Variants in TIAM1 observed in about 807,000 individuals in gnomAD.
TIAM1 encodes the protein TIAM Rac1 associated GEF 1.
Under a neutral mutation model 163.5 loss-of-function variants are expected in TIAM1, and 65 were observed. The ratio of observed to expected loss-of-function variants is 0.40; its 90% CI spans 0.33 to 0.49. The LOEUF is 0.49. Ranked by LOEUF, TIAM1 falls within the 20% of genes least tolerant of loss-of-function variation. The pLI, the probability that TIAM1 is intolerant of heterozygous loss-of-function variation, is 0.77. For missense variants in TIAM1, 1,789 were observed against 2,044.7 expected, an observed-to-expected ratio of 0.87 and a Z score of 2.41; for synonymous variants, 833 against 810.1, an observed-to-expected ratio of 1.03 and a Z score of -0.48.
chr21:31,423,854 C>T (rs866292956), intron 2 of TIAM1, among the ~76,000 whole-genome samples: 495 of 24,798 alleles, frequency 0.02, 3 homozygotes, highest in Middle Eastern at 0.17. Context: ...TAATGATTAT[C>T]GGGGGGGGCG....
chr21:31,373,538 A>G (rs1486883513), intron 2 of TIAM1, among the ~76,000 whole-genome samples: 1 of 152,200 alleles, frequency 6.6e-6, no homozygotes, highest in Non-Finnish European at 1.5e-5. Context: ...AAGCCAAACC[A>G]TATCATGCTC....
At chr21:31,431,559 T>C (rs1249923393) in intron 2 of TIAM1, among the ~76,000 whole-genome samples, 2 of 152,216 alleles carry the variant, frequency 1.3e-5, no homozygotes, top group African/African-American at 4.8e-5. Context: ...GCAAGATTGG[T>C]CAGAAATCAT....
chr21:31,430,210 G>GAA (rs57117941), intron 2 of TIAM1, among the ~76,000 whole-genome samples: 97 of 89,394 alleles, frequency 1.1e-3, no homozygotes, highest in African/African-American at 4.1e-3. Flanking sequence ...CCATCTCAAA[G>GAA]AAAAAAAAAA....
At chr21:31,328,622 C>T (rs2075572876) in intron 2 of TIAM1, among the ~76,000 whole-genome samples, 1 of 151,852 alleles carries the variant, frequency 6.6e-6, no homozygotes, top group African/African-American at 2.4e-5. Context: ...ATACATGTGC[C>T]ATGGTGGTTT....
intron 14 of TIAM1, among the ~76,000 whole-genome samples, chr21:31,183,646 A>C (rs970816364): frequency 6.6e-6 from 1 of 152,064 alleles, no homozygotes; most frequent in Admixed American, 6.5e-5. Flanking sequence ...AGCTTCACAG[A>C]GTCACATGCC....
intron 2 of TIAM1, among the ~76,000 whole-genome samples, chr21:31,314,265 T>C (rs2075030789): frequency 1.3e-5 from 2 of 152,164 alleles, no homozygotes; most frequent in African/African-American, 4.8e-5. Flanking sequence ...TAAGTTTTAC[T>C]ATCACAGAAA....
chr21:31,292,576 G>T (rs1399664165), intron 2 of TIAM1, among the ~76,000 whole-genome samples: 2 of 151,562 alleles, frequency 1.3e-5, no homozygotes, highest in South Asian at 2.1e-4. Flanking sequence ...CACTATGTTG[G>T]CTAGGCTGGT....
chr21:31,126,494 G>A (rs965051651), intron 26 of TIAM1, among the ~76,000 whole-genome samples: 1 of 152,074 alleles, frequency 6.6e-6, no homozygotes, highest in African/African-American at 2.4e-5. Flanking sequence ...ATGAACCCAG[G>A]AGGCAGAGGT....
At chr21:31,190,676 T>C (rs1289035034) in intron 13 of TIAM1, among the ~76,000 whole-genome samples, 1 of 152,184 alleles carries the variant, frequency 6.6e-6, no homozygotes, top group Non-Finnish European at 1.5e-5. Flanking sequence ...GAGGGTCTCA[T>C]GCTTAGTCTA....
intron 2 of TIAM1, among the ~76,000 whole-genome samples, chr21:31,300,677 A>C (rs1475653371): frequency 6.6e-6 from 1 of 152,258 alleles, no homozygotes; most frequent in Non-Finnish European, 1.5e-5. Flanking sequence ...CTAAAGATTA[A>C]AGTCACAGAC....
intron 5 of TIAM1, among the ~76,000 whole-genome samples, chr21:31,247,942 G>C (rs1274772397): frequency 6.6e-6 from 1 of 152,170 alleles, no homozygotes; most frequent in Non-Finnish European, 1.5e-5. Flanking sequence ...CTCTAAGTCA[G>C]AGGTTCTTAT....
At chr21:31,317,067 T>A (rs1035701136) in intron 2 of TIAM1, among the ~76,000 whole-genome samples, 23 of 152,170 alleles carry the variant, frequency 1.5e-4, no homozygotes, top group African/African-American at 5.5e-4. Context: ...TTTGTCTCAG[T>A]TGGTCCAGAA....
At chr21:31,407,185 A>C (rs997946087) in intron 2 of TIAM1, among the ~76,000 whole-genome samples, 1 of 152,222 alleles carries the variant, frequency 6.6e-6, no homozygotes, top group Non-Finnish European at 1.5e-5. Flanking sequence ...CATGGTTTTC[A>C]AGTCAGTTTT....
chr21:31,265,987 GAA>G, intron 4 of TIAM1, 21 bp downstream of exon 4: 1 of 1,605,788 alleles, frequency 6.2e-7, no homozygotes, highest in South Asian at 1.1e-5. Context: ...CCAAAATATT[GAA>G]ACAAATTTCA....
intron 6 of TIAM1, among the ~76,000 whole-genome samples, chr21:31,226,323 T>C (rs1172341375): frequency 3.3e-5 from 5 of 152,124 alleles, no homozygotes; most frequent in African/African-American, 1.2e-4. Context: ...TTATAGGACA[T>C]GAGTGGGACT....
chr21:31,369,010 C>T (rs956176298), intron 2 of TIAM1, among the ~76,000 whole-genome samples: 11 of 151,744 alleles, frequency 7.2e-5, no homozygotes, highest in African/African-American at 1.9e-4. Flanking sequence ...GAGGCCGAGG[C>T]GGGCGGATCA....
At chr21:31,149,676 T>C (rs2083290531) in intron 19 of TIAM1, among the ~76,000 whole-genome samples, 1 of 152,230 alleles carries the variant, frequency 6.6e-6, no homozygotes, top group Non-Finnish European at 1.5e-5. Flanking sequence ...TATTTTAAAG[T>C]ATGTCTATAA....
rs558077320 is a variant in TIAM1 at position 31,520,354 on chromosome 21, T to C, written c.-422+38573A>G. Among the ~76,000 whole-genome samples, 11 of 151,104 alleles carry C rather than the reference T, an allele frequency of 7.3e-5. 1 individual carries two copies. Among genetic ancestry groups the C allele is most frequent in the Middle Eastern group, 3.4e-3 (1 of 292 alleles). On this transcript the variant is annotated intron_variant, in intron 1 of 28. Coordinates refer to the TIAM1 transcript ENST00000286827. The stretch of plus-strand genomic sequence containing the variant: ...CTCAAAAAAAAAAAAAAAGAAATGG[T>C]TACAATGACAAACGATGTTATACAT...
intron 2 of TIAM1, among the ~76,000 whole-genome samples, chr21:31,321,614 G>A (rs1469795934): frequency 6.6e-6 from 1 of 151,440 alleles, no homozygotes; most frequent in East Asian, 2.0e-4. Flanking sequence ...GCCTCCCAAA[G>A]TGTTGGGATT....
Sources: allele counts gnomAD v4.1 joint callset (sites outside exome capture counted in the v4.1 genomes callset), GRCh38; gene constraint gnomAD v4.1.1; transcripts MANE v1.5; gene names NCBI Gene and HGNC (gene_info 2026-07-23, HGNC 2026-07-21).